SFMBT2: variants seen among roughly 807,000 people sequenced by gnomAD.
SFMBT2 encodes the protein Scm like with four mbt domains 2.
A neutral mutation model predicts 110.1 loss-of-function variants in SFMBT2; 38 were observed. The observed-to-expected ratio is 0.35, with a 90% CI of 0.27 to 0.45. The LOEUF is 0.45. Ranked by LOEUF, SFMBT2 falls within the 20% of genes least tolerant of loss-of-function variation. The probability of loss-of-function intolerance (pLI) is 1.00; values close to 1 mark genes in which losing one functional copy is unlikely to be tolerated. For missense variants in SFMBT2, 1,011 were observed against 1,094.9 expected (o/e 0.92, Z 1.08); for synonymous variants, 425 against 425.4 (o/e 1.00, Z 0.01).
At chr10:7,315,042 A>G (rs866592570) in intron 4 of SFMBT2, among the ~76,000 whole-genome samples, 5 of 78,506 alleles carry the variant, frequency 6.4e-5, no homozygotes, top group Non-Finnish European at 8.8e-5. Context: ...AAGAAAGAGA[A>G]AGAAAGAAAG....
At chr10:7,304,766 T>C (rs144631117) in intron 4 of SFMBT2, among the ~76,000 whole-genome samples, 19 of 152,330 alleles carry the variant, frequency 1.2e-4, no homozygotes, top group African/African-American at 3.8e-4. Flanking sequence ...AGGAAATCTC[T>C]TGTCTGGACA....
At chr10:7,321,140 G>A (rs957031734) in intron 4 of SFMBT2, among the ~76,000 whole-genome samples, 1 of 151,860 alleles carries the variant, frequency 6.6e-6, no homozygotes, top group African/African-American at 2.4e-5. Context: ...AAGAAAAGGT[G>A]GATCTCTTCT....
chr10:7,397,353 G>T (rs528627731), intron 1 of SFMBT2, among the ~76,000 whole-genome samples: 8 of 151,576 alleles, frequency 5.3e-5, no homozygotes, highest in Non-Finnish European at 2.9e-5. Context: ...AAGGGCTTGC[G>T]GTTGTTTGTT....
chr10:7,395,280 G>A, intron 1 of SFMBT2, among the ~76,000 whole-genome samples: 1 of 151,806 alleles, frequency 6.6e-6, no homozygotes. Context: ...TTCCACCTTG[G>A]AGGAAAAAAA....
At chr10:7,399,512 G>A (rs566467738) in intron 1 of SFMBT2, among the ~76,000 whole-genome samples, 14 of 152,302 alleles carry the variant, frequency 9.2e-5, no homozygotes, top group Admixed American at 5.9e-4. Flanking sequence ...GATTACAGGC[G>A]TGAGCCACTG....
At position 7,161,349 on chromosome 10, in the gene SFMBT2, C is replaced by T. The variant is rs181145235; in HGVS notation, c.*2421G>A. 2.0e-5 allele frequency: 3 copies of T among 152,358 alleles called. No individual in the cohort carries two copies. Among genetic ancestry groups the T allele is most frequent in the East Asian group, 1.9e-4 (1 of 5,184 alleles). The allele number at this position is 152,358 out of a possible 1,614,324, so 9.4% of individuals were successfully genotyped here. On this transcript the variant is annotated 3_prime_UTR_variant, in exon 21 of 21. Transcript: ENST00000397167. Reference sequence around the variant, plus strand: ...TGTGGCCACCACATTCCCTCACCCTCGTCTCAAATACAACAGGAACAGCTG... The same window carrying T: ...TGTGGCCACCACATTCCCTCACCCTTGTCTCAAATACAACAGGAACAGCTG...
At chr10:7,400,962 G>A (rs1038273825) in intron 1 of SFMBT2, among the ~76,000 whole-genome samples, 9 of 151,962 alleles carry the variant, frequency 5.9e-5, no homozygotes, top group African/African-American at 1.7e-4. Context: ...GTGAAACCCC[G>A]TCTCTACTAA....
At chr10:7,323,080 T>C (rs955102523) in intron 4 of SFMBT2, among the ~76,000 whole-genome samples, 24 of 152,214 alleles carry the variant, frequency 1.6e-4, no homozygotes, top group African/African-American at 5.8e-4. Context: ...ATTATTTATA[T>C]TGATACCATT....
chr10:7,200,887 C>T, intron 13 of SFMBT2: 1 of 500,580 alleles, frequency 2.0e-6, no homozygotes, highest in Non-Finnish European at 2.6e-6. Flanking sequence ...AACCACTTTC[C>T]ACTAACCTTT....
At chr10:7,379,123 CCA>C (rs1845353438) in intron 2 of SFMBT2, among the ~76,000 whole-genome samples, 1 of 152,068 alleles carries the variant, frequency 6.6e-6, no homozygotes, top group Admixed American at 6.6e-5. Flanking sequence ...TCTGTGCCTG[CCA>C]CACAGTCTGA....
Position 7,215,377 on chromosome 10 carries a change from G to A in SFMBT2, c.1330+5034C>T, listed in dbSNP as rs570695001. Among the ~76,000 whole-genome samples, 7 of 152,364 alleles carry A rather than the reference G, an allele frequency of 4.6e-5. No homozygotes were observed. In the East Asian group the frequency reaches 1.3e-3, roughly 29 times the overall value. On this transcript the variant is annotated intron_variant, in intron 11 of 20. Coordinates refer to ENST00000397167, the MANE Select transcript of SFMBT2 (RefSeq NM_001387889.1). Reference sequence around the variant, plus strand: ...ATCACACCACCACACTCCAGTCTGGGTGACAAGAGCAAGACCCTGTCTCAA... The same window carrying A: ...ATCACACCACCACACTCCAGTCTGGATGACAAGAGCAAGACCCTGTCTCAA...
intron 2 of SFMBT2, among the ~76,000 whole-genome samples, chr10:7,371,191 T>C (rs188607154): frequency 3.3e-5 from 5 of 152,248 alleles, no homozygotes; most frequent in African/African-American, 1.2e-4. Flanking sequence ...TGGTGCAATC[T>C]CGGCTCACTA....
chr10:7,216,353 G>A (rs1008664407), intron 11 of SFMBT2, among the ~76,000 whole-genome samples: 3 of 152,208 alleles, frequency 2.0e-5, no homozygotes, highest in Admixed American at 2.0e-4. Flanking sequence ...TCTCATGGTA[G>A]TGAACAAGTC....
At chr10:7,332,699 A>G (rs1329224995) in intron 4 of SFMBT2, among the ~76,000 whole-genome samples, 1 of 152,216 alleles carries the variant, frequency 6.6e-6, no homozygotes, top group Non-Finnish European at 1.5e-5. Context: ...AAATATTTCC[A>G]TTAATGTCCA....
chr10:7,405,220 A>G (rs1359724218), intron 1 of SFMBT2, among the ~76,000 whole-genome samples: 1 of 152,144 alleles, frequency 6.6e-6, no homozygotes, highest in Non-Finnish European at 1.5e-5. Flanking sequence ...ATAAACATGG[A>G]CCCATGAGGT....
chr10:7,274,979 G>GC (rs753617707), intron 7 of SFMBT2, among the ~76,000 whole-genome samples: 4 of 152,220 alleles, frequency 2.6e-5, no homozygotes, highest in African/African-American at 4.8e-5. Context: ...TAGGGAAAGG[G>GC]CCCTCTCTGA....
chr10:7,409,805 G>C (rs1886615), intron 1 of SFMBT2, among the ~76,000 whole-genome samples: 102,705 of 151,478 alleles, frequency 0.68, 37,014 homozygotes, highest in East Asian at 1. Flanking sequence ...AGCCACCTTA[G>C]CCCGCCATAT....
At chr10:7,368,508 T>C (rs1182932206) in intron 3 of SFMBT2, 1 of 230,310 alleles carries the variant, frequency 4.3e-6, no homozygotes, top group Non-Finnish European at 7.2e-6. Context: ...CACACTTGCA[T>C]GGGTCTGAGG....
In SFMBT2 at chr10:7,220,460, C is replaced by A. The variant is rs769966129; in HGVS notation, c.1281G>T (p.Val427=). The A allele has an allele frequency of 3.7e-6, 6 of 1,613,984 alleles. No individual in the cohort carries two copies. The South Asian group carries it at 6.6e-5, about 18-fold the overall frequency. ...VNPRNPGELC[V]ASVVSVKGRL... is the part of the protein sequence containing the mutation. ...GCCCCTTCACACTCACAACGGAGGC[C>A]ACACACAGTTCTCCTGGATTCCTGG... Residue 427 remains valine, a synonymous_variant, in exon 11 of 21, where the codon GTG becomes GTT. Transcript: ENST00000397167.
Sources: allele counts gnomAD v4.1 joint callset (sites outside exome capture counted in the v4.1 genomes callset), GRCh38; gene constraint gnomAD v4.1.1; transcripts MANE v1.5; gene names NCBI Gene and HGNC (gene_info 2026-07-23, HGNC 2026-07-21).